TMEM181: variants seen among roughly 807,000 people sequenced by gnomAD.
The protein encoded by TMEM181 is G protein-coupled receptor 178.
Under a neutral mutation model 71.9 loss-of-function variants are expected in TMEM181, and 39 were observed. The observed-to-expected ratio is 0.54, with a 90% CI of 0.42 to 0.71. The LOEUF is 0.71. TMEM181 is among the 30% of genes least tolerant of loss of function. The pLI, the probability that TMEM181 is intolerant of heterozygous loss-of-function variation, is 0.00. For synonymous variants in TMEM181, 245 were observed against 228.8 expected (o/e 1.07, Z -0.64); for missense variants, 595 against 583.0 (o/e 1.02, Z -0.21).
At chr6:158,625,053 A>G (rs1786194306) in intron 11 of TMEM181, 51 bp from the exon 12 acceptor site, 1 of 1,392,284 alleles carries the variant, frequency 7.2e-7, no homozygotes. Context: ...CTGGGAGGAG[A>G]AGGTCACAGA....
intron 6 of TMEM181, among the ~76,000 whole-genome samples, chr6:158,596,825 G>A (rs2128309415): frequency 6.6e-6 from 1 of 152,296 alleles, no homozygotes; most frequent in African/African-American, 2.4e-5. Context: ...CAGGTCTCGT[G>A]AGACTTATTC....
At chr6:158,568,238 A>G (rs1181124439) in intron 1 of TMEM181, among the ~76,000 whole-genome samples, 3 of 151,960 alleles carry the variant, frequency 2.0e-5, no homozygotes, top group African/African-American at 4.8e-5. Flanking sequence ...CGGGCTTTTC[A>G]GTAATGTTAT....
At chr6:158,606,269 G>T in intron 7 of TMEM181, among the ~76,000 whole-genome samples, 1 of 151,166 alleles carries the variant, frequency 6.6e-6, no homozygotes, top group Non-Finnish European at 1.5e-5. Context: ...GAGCTGGAGG[G>T]AAGGGCGTGG....
At chr6:158,577,444 G>A (rs934158401) in intron 2 of TMEM181, among the ~76,000 whole-genome samples, 27 of 152,156 alleles carry the variant, frequency 1.8e-4, no homozygotes, top group Non-Finnish European at 3.8e-4. Context: ...CAGAGACTGA[G>A]GGACCTTTGG....
intron 1 of TMEM181, among the ~76,000 whole-genome samples, chr6:158,569,884 G>A (rs895930984): frequency 1.3e-5 from 2 of 152,104 alleles, no homozygotes; most frequent in Non-Finnish European, 1.5e-5. Flanking sequence ...GATTGCAGGC[G>A]TGAGCCACCG....
intron 3 of TMEM181, 50 bp from the exon 4 acceptor site, chr6:158,583,904 G>T: frequency 7.1e-7 from 1 of 1,402,514 alleles, no homozygotes; most frequent in Non-Finnish European, 9.9e-7. Flanking sequence ...GAGGTATTTG[G>T]TAGACTCAAT....
intron 1 of TMEM181, among the ~76,000 whole-genome samples, chr6:158,562,712 A>G (rs1582945161): frequency 6.6e-6 from 1 of 151,988 alleles, no homozygotes; most frequent in Admixed American, 6.6e-5. Flanking sequence ...TCCTGCAATC[A>G]TTTAATTATT....
At chr6:158,594,120 T>TC (rs145674584) in intron 6 of TMEM181, among the ~76,000 whole-genome samples, 231 of 139,690 alleles carry the variant, frequency 1.7e-3, no homozygotes, top group African/African-American at 6.0e-3. Context: ...TTTTTTTTTT[T>TC]CTGAGACAGA....
chr6:158,622,546 A>AG (rs1430906007), intron 10 of TMEM181, among the ~76,000 whole-genome samples: 4 of 152,242 alleles, frequency 2.6e-5, no homozygotes, highest in African/African-American at 9.6e-5. Flanking sequence ...GGGATGGTGC[A>AG]GGATGTCATC....
At chr6:158,611,775 T>C (rs1785327981) in intron 10 of TMEM181, 1 of 215,752 alleles carries the variant, frequency 4.6e-6, no homozygotes, top group Admixed American at 5.3e-5. Context: ...AAGACAGGTT[T>C]GTTTTGGACA....
Position 158,631,819 on chromosome 6 carries a change from T to C in TMEM181, c.1359T>C (p.Tyr453=). Residue 453 remains tyrosine (Y), a synonymous_variant, in exon 17 of 17, where the codon TAT becomes TAC. Coordinates refer to ENST00000684151, the MANE Select transcript of TMEM181 (RefSeq NM_001376852.1). ...SDDDVIYGSD[Y]EEMPLQNGQA... The stretch of plus-strand genomic sequence containing the variant: ...GTCTCTTTGCTCACAGGAGTGACTA[T>C]GAGGAAATGCCGCTGCAGAACGGCC... 6.3e-7 allele frequency: 1 copy of C among 1,599,522 alleles called. No individual in the cohort carries two copies. The highest frequency in any genetic ancestry group is 8.5e-7 in the Non-Finnish European group (1 of 1,172,604).
intron 10 of TMEM181, among the ~76,000 whole-genome samples, chr6:158,616,461 T>C (rs535396198): frequency 6.6e-6 from 1 of 152,328 alleles, no homozygotes; most frequent in Admixed American, 6.5e-5. Flanking sequence ...TTTTTCCTAA[T>C]TGAATACCCT....
chr6:158,605,131 AGTGTGTGT>A lies in TMEM181; in HGVS notation c.493-115_493-108del, dbSNP rs71030178. On this transcript the variant is annotated intron_variant, in intron 6 of 16. Coordinates refer to ENST00000684151, the MANE Select transcript of TMEM181 (RefSeq NM_001376852.1). ...TCCATATCCAAAAAAAAAAAAAAAA[AGTGTGTGT>A]GTGTGTGTGTGTGTGTGTGTATGTG... 9.4e-3 allele frequency: 1,505 copies of A among 160,310 alleles called. 9 individuals carry two copies. The highest frequency in any genetic ancestry group is 0.024 in the Middle Eastern group (10 of 414). 9.9% of individuals were successfully genotyped at this position (160,310 alleles called of 1,614,324 possible). A position where few individuals can be genotyped will look rare whatever the true frequency, so the allele number is the denominator to read the frequency against.
chr6:158,558,950 A>T (rs577130971), upstream of TMEM181, among the ~76,000 whole-genome samples: 26 of 152,308 alleles, frequency 1.7e-4, no homozygotes, highest in South Asian at 1.2e-3. Context: ...GTTGCTATGA[A>T]GAACCCTTTC....
intron 3 of TMEM181, 129 bp downstream of exon 3, chr6:158,581,124 T>A: frequency 1.2e-6 from 1 of 842,532 alleles, no homozygotes; most frequent in Non-Finnish European, 1.9e-6. Context: ...GCAACACATT[T>A]CTTCTTCCAT....
chr6:158,626,028 G>A (rs1206553413), intron 13 of TMEM181, among the ~76,000 whole-genome samples: 1 of 152,242 alleles, frequency 6.6e-6, no homozygotes, highest in Non-Finnish European at 1.5e-5. Context: ...CACCTGCTAT[G>A]TGTGCAGCGT....
At chr6:158,622,324 G>A (rs1475443048) in intron 10 of TMEM181, among the ~76,000 whole-genome samples, 2 of 152,188 alleles carry the variant, frequency 1.3e-5, no homozygotes, top group Admixed American at 1.3e-4. Flanking sequence ...AGATGCCCCA[G>A]TCCCTGTGTG....
intron 10 of TMEM181, among the ~76,000 whole-genome samples, chr6:158,609,225 G>A (rs1055763059): frequency 1.3e-5 from 2 of 152,014 alleles, no homozygotes; most frequent in Non-Finnish European, 2.9e-5. Flanking sequence ...TGGGGGATTT[G>A]TTCCCAGACC....
intron 6 of TMEM181, among the ~76,000 whole-genome samples, chr6:158,590,558 G>T (rs1011732358): frequency 6.6e-6 from 1 of 152,142 alleles, no homozygotes; most frequent in African/African-American, 2.4e-5. Flanking sequence ...CCGCCTCCCG[G>T]GTTCAAGCAA....
Sources: gnomAD v4.1 joint callset for allele counts (sites outside exome capture counted in the v4.1 genomes callset) on GRCh38, gnomAD v4.1.1 for gene constraint, MANE v1.5 for transcripts, NCBI Gene and HGNC (gene_info 2026-07-23, HGNC 2026-07-21) for gene names.